The following NCR3LG1 variants were observed in gnomAD, a reference collection of about 807,000 sequenced individuals.
NCR3LG1 encodes natural cytotoxicity triggering receptor 3 ligand 1.
NCR3LG1 carries 35 observed loss-of-function variants against 34.8 expected under a neutral mutation model. The ratio of observed to expected loss-of-function variants is 1.01; its 90% CI spans 0.77 to 1.33. The LOEUF (loss-of-function observed/expected upper bound fraction) is 1.33, where lower values mean the gene tolerates loss of function less well. Among genes scored for constraint, NCR3LG1 ranks in the 40% most tolerant of loss-of-function variants. The probability of loss-of-function intolerance (pLI) is 0.00; values close to 1 mark genes in which losing one functional copy is unlikely to be tolerated. For synonymous variants in NCR3LG1, 173 were observed against 163.6 expected (o/e 1.06, Z -0.44); for missense variants, 452 against 423.3 (o/e 1.07, Z -0.60).
intron 3 of NCR3LG1, among the ~76,000 whole-genome samples, chr11:17,368,191 C>T (rs1272477171): frequency 7.2e-5 from 11 of 152,080 alleles, no homozygotes; most frequent in Admixed American, 6.5e-4. Flanking sequence ...ATGCTCAATG[C>T]CTTCCCCAGG....
At chr11:17,355,908 T>C (rs1234203406) in intron 1 of NCR3LG1, among the ~76,000 whole-genome samples, 1 of 152,046 alleles carries the variant, frequency 6.6e-6, no homozygotes, top group Non-Finnish European at 1.5e-5. Context: ...AGGGATCCTC[T>C]CACCTCAGCC....
Position 17,368,878 on chromosome 11 carries a change from AC to A in NCR3LG1, c.773del (p.Thr258LysfsTer21). On this transcript the variant is annotated frameshift_variant, in exon 4 of 5. Transcript: ENST00000338965. LOFTEE classifies it high-confidence loss of function. ...ARHSLSETEKTDNFSIHWWPI... is the reference protein window; with the variant it reads ...ARHSLSETEKXDNFSIHWWPI... ...TTCTCTCTCTGCAGAAACTGAGAAG[AC>A]AGATAATTTTTCCATTCATTGGTGG... 6.5e-7 allele frequency: 1 copy of A among 1,532,114 alleles called. No individual in the cohort carries two copies. Among genetic ancestry groups the A allele is most frequent in the Non-Finnish European group, 8.7e-7 (1 of 1,143,214 alleles). The allele number at this position is 1,532,114 out of a possible 1,614,324, so 94.9% of individuals were successfully genotyped here. A position where few individuals can be genotyped will look rare whatever the true frequency, so the allele number is the denominator to read the frequency against.
intron 2 of NCR3LG1, among the ~76,000 whole-genome samples, chr11:17,362,681 TTCCTTCCTTC>T (rs1953283758): frequency 2.2e-4 from 5 of 22,592 alleles, no homozygotes; most frequent in East Asian, 1.0e-3. Flanking sequence ...GTCTCCTTCC[TTCCTTCCTTC>T]CTTTCTTTCT....
In NCR3LG1 at chr11:17,373,940, G is replaced by A. The variant is rs1467206492; in HGVS notation, c.*1428G>A. On this transcript the variant is annotated 3_prime_UTR_variant, in exon 5 of 5. Coordinates refer to ENST00000338965, the MANE Select transcript of NCR3LG1 (RefSeq NM_001202439.3). ...TGGCCGGACTATAACCACTATACCA[G>A]TCTGGATCCACCTCAAGGATCCCAC... 1 of 152,138 alleles carries A rather than the reference G, an allele frequency of 6.6e-6. No homozygotes were observed. The highest frequency in any genetic ancestry group is 1.5e-5 in the Non-Finnish European group (1 of 68,062). The allele number at this position is 152,138 out of a possible 1,614,324, so 9.4% of individuals were successfully genotyped here.
At chr11:17,355,986 A>T (rs1210862586) in intron 1 of NCR3LG1, among the ~76,000 whole-genome samples, 10 of 151,796 alleles carry the variant, frequency 6.6e-5, no homozygotes, top group Admixed American at 6.6e-4. Context: ...TTTTTTGTAG[A>T]GACAAGGTCC....
intron 2 of NCR3LG1, among the ~76,000 whole-genome samples, chr11:17,363,224 C>T: frequency 6.6e-6 from 1 of 151,554 alleles, no homozygotes; most frequent in East Asian, 2.0e-4. Context: ...ATGCCTGGCC[C>T]ACTAAAGCAC....
In NCR3LG1 at chr11:17,374,598, T is replaced by C. The variant is rs1953453311; in HGVS notation, c.*2086T>C. On this transcript the variant is annotated 3_prime_UTR_variant, in exon 5 of 5. Transcript: ENST00000338965. ...TTGGTAAAGTACCTAGGTCTGGTCT[T>C]GTCAGAAGGGAACAAGAGCACTAGG... 1 of 152,086 alleles carries C rather than the reference T, an allele frequency of 6.6e-6. No individual in the cohort carries two copies. The highest frequency in any genetic ancestry group is 2.4e-5 in the African/African-American group (1 of 41,412). The allele number at this position is 152,086 out of a possible 1,614,324, so 9.4% of individuals were successfully genotyped here.
intron 2 of NCR3LG1, among the ~76,000 whole-genome samples, chr11:17,361,692 C>T (rs570465214): frequency 8.9e-4 from 135 of 152,266 alleles, no homozygotes; most frequent in African/African-American, 3.2e-3. Flanking sequence ...GCTTTAATCA[C>T]TTATTCATTC....
chr11:17,354,257 C>T (rs1225284757), intron 1 of NCR3LG1, among the ~76,000 whole-genome samples: 2 of 152,324 alleles, frequency 1.3e-5, no homozygotes, highest in South Asian at 2.1e-4. Context: ...TCCTTGGAAA[C>T]AAGACTGCAG....
chr11:17,352,667 A>G (rs1953151992), intron 1 of NCR3LG1, among the ~76,000 whole-genome samples: 1 of 152,172 alleles, frequency 6.6e-6, no homozygotes, highest in Non-Finnish European at 1.5e-5. Flanking sequence ...GGAGGAGAGA[A>G]GAAAATCAGG....
Position 17,357,132 on chromosome 11 carries a change from G to A in NCR3LG1, c.421+131G>A, listed in dbSNP as rs1239921544. ...CTGATAATACATGGATGAGCTTGGT[G>A]GCTGTATTAGTTTGCTAAGGCTGCC... is the stretch of plus-strand genomic sequence containing the variant. On this transcript the variant is annotated intron_variant, in intron 2 of 4. Coordinates refer to ENST00000338965, the MANE Select transcript of NCR3LG1 (RefSeq NM_001202439.3). The A allele has an allele frequency of 4.6e-6, 3 of 652,746 alleles. No homozygotes were observed. The African/African-American group carries it at 5.5e-5, about 12-fold the overall frequency. The allele number at this position is 652,746 out of a possible 1,614,324, so 40.4% of individuals were successfully genotyped here.
intron 2 of NCR3LG1, 109 bp downstream of exon 2, chr11:17,357,110 A>C: frequency 1.3e-6 from 1 of 751,680 alleles, no homozygotes; most frequent in Non-Finnish European, 2.1e-6. Context: ...AAATGGTCTG[A>C]TAATACATGG....
In NCR3LG1 at chr11:17,375,970, TCCA is replaced by T. The variant is rs1953472196; in HGVS notation, c.*3460_*3462del. The T allele has an allele frequency of 6.6e-6, 1 of 152,234 alleles. No homozygotes were observed. Among genetic ancestry groups the T allele is most frequent in the East Asian group, 1.9e-4 (1 of 5,204 alleles). The allele number at this position is 152,234 out of a possible 1,614,324, so 9.4% of individuals were successfully genotyped here. On this transcript the variant is annotated 3_prime_UTR_variant, in exon 5 of 5. Transcript: ENST00000338965. ...AGCCAATGGAAGATTCTTAAAATCC[TCCA>T]CTGAGCCTTTCACTTAGGAAAGCAT...
intron 2 of NCR3LG1, among the ~76,000 whole-genome samples, chr11:17,360,657 A>C (rs1953260565): frequency 6.6e-6 from 1 of 151,614 alleles, no homozygotes; most frequent in African/African-American, 2.4e-5. Context: ...TGTTGAAAAG[A>C]CTGTCCTTTC....
chr11:17,372,406 C>G lies in NCR3LG1; in HGVS notation c.1259C>G (p.Ala420Gly). The part of the protein sequence containing the change: ...PREHSDAVPD[A>G]PILPVSPIWE... ...GAACACTCGGATGCAGTTCCGGATGCCCCAATCCTTCCTGTCTCCCCTATC... is the reference window on the plus strand; with the variant it reads ...GAACACTCGGATGCAGTTCCGGATGGCCCAATCCTTCCTGTCTCCCCTATC... Residue 420 changes from alanine to glycine, a missense_variant, in exon 5 of 5, where the codon GCC becomes GGC. Coordinates refer to ENST00000338965, the MANE Select transcript of NCR3LG1 (RefSeq NM_001202439.3). 1.4e-6 allele frequency: 1 copy of G among 703,220 alleles called. No individual in the cohort carries two copies. The highest frequency in any genetic ancestry group is 2.6e-6 in the Non-Finnish European group (1 of 385,054). The allele number at this position is 703,220 out of a possible 1,614,324, so 43.6% of individuals were successfully genotyped here.
rs1953466220 is a variant in NCR3LG1 at position 17,375,505 on chromosome 11, A to G, written c.*2993A>G. 6.6e-6 allele frequency: 1 copy of G among 152,236 alleles called. No homozygotes were observed. Among genetic ancestry groups the G allele is most frequent in the Admixed American group, 6.5e-5 (1 of 15,288 alleles). 9.4% of individuals were successfully genotyped at this position (152,236 alleles called of 1,614,324 possible). On this transcript the variant is annotated 3_prime_UTR_variant, in exon 5 of 5. Coordinates refer to ENST00000338965, the MANE Select transcript of NCR3LG1 (RefSeq NM_001202439.3). Reference sequence around the variant, plus strand: ...CCCTCTCACAAGAGCACTTGAACTAAGCAAAGGAAAGACAGCTAACATTTA... The same window carrying G: ...CCCTCTCACAAGAGCACTTGAACTAGGCAAAGGAAAGACAGCTAACATTTA...
At chr11:17,359,613 G>A (rs1953248768) in intron 2 of NCR3LG1, among the ~76,000 whole-genome samples, 1 of 151,064 alleles carries the variant, frequency 6.6e-6, no homozygotes, top group Non-Finnish European at 1.5e-5. Flanking sequence ...CCAGGTTTAA[G>A]CGATTCTCCT....
downstream of NCR3LG1, among the ~76,000 whole-genome samples, chr11:17,378,348 A>G (rs1032971847): frequency 2.0e-5 from 3 of 152,190 alleles, no homozygotes; most frequent in East Asian, 3.9e-4. Flanking sequence ...GTTGGCTACA[A>G]TCCCTCTTAA....
rs889702119 is a variant in NCR3LG1 at position 17,374,564 on chromosome 11, T to G, written c.*2052T>G. The G allele has an allele frequency of 2.6e-5, 4 of 151,362 alleles. No individual in the cohort carries two copies. The highest frequency in any genetic ancestry group is 9.7e-5 in the African/African-American group (4 of 41,364). 9.4% of individuals were successfully genotyped at this position (151,362 alleles called of 1,614,324 possible). On this transcript the variant is annotated 3_prime_UTR_variant, in exon 5 of 5. Transcript: ENST00000338965. ...GGCTTCAAAATCTAAGGCTCAGCTC[T>G]ATCAGACTTTGGTAAAGTACCTAGG...
Sources: gnomAD v4.1 joint callset for allele counts (sites outside exome capture counted in the v4.1 genomes callset) on GRCh38, gnomAD v4.1.1 for gene constraint, MANE v1.5 for transcripts, NCBI Gene and HGNC (gene_info 2026-07-23, HGNC 2026-07-21) for gene names.